SEPTIN7: variants seen among roughly 807,000 people sequenced by gnomAD.
SEPTIN7 encodes the protein septin-7.
A neutral mutation model predicts 63.3 loss-of-function variants in SEPTIN7; 10 were observed. The observed-to-expected ratio is 0.16, with a 90% CI of 0.10 to 0.27. The LOEUF is 0.27. Among genes scored for constraint, SEPTIN7 ranks in the 10% least tolerant of loss-of-function variants. SEPTIN7 has a pLI of 1.00. For missense variants in SEPTIN7, 310 were observed against 521.0 expected, an observed-to-expected ratio of 0.59 and a Z score of 3.94; for synonymous variants, 131 against 165.3, an observed-to-expected ratio of 0.79 and a Z score of 1.59.
intron 1 of SEPTIN7, among the ~76,000 whole-genome samples, chr7:35,814,692 C>G (rs1296016576): frequency 6.6e-6 from 1 of 152,012 alleles, no homozygotes. Flanking sequence ...AGCTGGGATT[C>G]TGACCGGGTG....
At position 35,905,651 on chromosome 7, in the gene SEPTIN7, C is replaced by A. The variant is rs1383615247; in HGVS notation, c.*1358C>A. On this transcript the variant is annotated 3_prime_UTR_variant, in exon 14 of 14. Transcript: ENST00000350320. Reference sequence around the variant, plus strand: ...CCTCCTGCCTCAGCCCCCTGAGTATCTGGGATTGCAGGCGTGCACCACCAC... The same window carrying A: ...CCTCCTGCCTCAGCCCCCTGAGTATATGGGATTGCAGGCGTGCACCACCAC... 1 of 152,196 alleles carries A rather than the reference C, an allele frequency of 6.6e-6. No individual in the cohort carries two copies. Among genetic ancestry groups the A allele is most frequent in the Admixed American group, 6.5e-5 (1 of 15,278 alleles). The allele number at this position is 152,196 out of a possible 1,614,324, so 9.4% of individuals were successfully genotyped here. A position where few individuals can be genotyped will look rare whatever the true frequency, so the allele number is the denominator to read the frequency against.
chr7:35,858,015 T>C lies in SEPTIN7; in HGVS notation c.170-5537T>C, dbSNP rs963258250. Among the ~76,000 whole-genome samples the C allele has an allele frequency of 2.0e-5, 3 of 152,120 alleles. No homozygotes were observed. In the South Asian group the frequency reaches 6.2e-4, roughly 31 times the overall value. On this transcript the variant is annotated intron_variant, in intron 3 of 13. Transcript: ENST00000350320. ...TGGAGTGCAGTGGTGTCATCTCAGC[T>C]CACTGCAGCCTCTTCCTCCTGGTTC...
At chr7:35,861,384 A>G (rs976481188) in intron 3 of SEPTIN7, among the ~76,000 whole-genome samples, 2 of 152,150 alleles carry the variant, frequency 1.3e-5, no homozygotes, top group African/African-American at 4.8e-5. Context: ...AAAACTGAGT[A>G]TTTGAAAGAG....
chr7:35,888,227 T>G (rs147578621), intron 10 of SEPTIN7, among the ~76,000 whole-genome samples: 2 of 152,280 alleles, frequency 1.3e-5, no homozygotes, highest in East Asian at 3.9e-4. Context: ...CAAATTATTT[T>G]GAGAATGGAG....
intron 1 of SEPTIN7, among the ~76,000 whole-genome samples, chr7:35,815,852 A>G (rs1293735414): frequency 1.3e-5 from 2 of 152,056 alleles, no homozygotes; most frequent in Non-Finnish European, 2.9e-5. Context: ...GAAAATTACT[A>G]TGGTGTTAAT....
At chr7:35,815,895 C>G (rs1414326626) in intron 1 of SEPTIN7, among the ~76,000 whole-genome samples, 1 of 151,970 alleles carries the variant, frequency 6.6e-6, no homozygotes, top group African/African-American at 2.4e-5. Flanking sequence ...TTCTTTTACC[C>G]TGTTCTCATT....
chr7:35,905,621 G>A lies in SEPTIN7; in HGVS notation c.*1328G>A, dbSNP rs537624714. On this transcript the variant is annotated 3_prime_UTR_variant, in exon 14 of 14. Transcript: ENST00000350320. ...TGCAGCCTCAACCCTCTGGGCTCAA[G>A]CAGTCCTCCTGCCTCAGCCCCCTGA... 3 of 152,292 alleles carry A rather than the reference G, an allele frequency of 2.0e-5. No individual in the cohort carries two copies. In the South Asian group the frequency reaches 6.2e-4, roughly 31 times the overall value. 9.4% of individuals were successfully genotyped at this position (152,292 alleles called of 1,614,324 possible). A position where few individuals can be genotyped will look rare whatever the true frequency, so the allele number is the denominator to read the frequency against.
At chr7:35,845,567 C>T (rs74735027) in intron 3 of SEPTIN7, among the ~76,000 whole-genome samples, 3,905 of 152,182 alleles carry the variant, frequency 0.026, 124 homozygotes, top group East Asian at 0.08. Flanking sequence ...TCTTTTCCTT[C>T]TTAAAACATG....
At chr7:35,904,043 G>A (rs1175057144) in intron 13 of SEPTIN7, among the ~76,000 whole-genome samples, 4 of 152,068 alleles carry the variant, frequency 2.6e-5, no homozygotes, top group Admixed American at 1.3e-4. Context: ...TTATCCTGGA[G>A]TTTTGTCAAA....
intron 1 of SEPTIN7, among the ~76,000 whole-genome samples, chr7:35,803,308 C>A (rs1415612633): frequency 6.6e-5 from 10 of 152,188 alleles, no homozygotes; most frequent in African/African-American, 2.4e-4. Context: ...CATGCCAGAA[C>A]TTCTGAACAA....
intron 3 of SEPTIN7, among the ~76,000 whole-genome samples, chr7:35,851,358 A>G (rs1241949199): frequency 6.6e-6 from 1 of 152,146 alleles, no homozygotes; most frequent in African/African-American, 2.4e-5. Context: ...CTGCAGTAAA[A>G]TGAGGGAATG....
intron 3 of SEPTIN7, among the ~76,000 whole-genome samples, chr7:35,841,242 T>A (rs1310758461): frequency 6.6e-6 from 1 of 151,618 alleles, no homozygotes; most frequent in Non-Finnish European, 1.5e-5. Flanking sequence ...AAAAAAAAAA[T>A]GTGGTTCTGT....
intron 1 of SEPTIN7, among the ~76,000 whole-genome samples, chr7:35,821,144 AGAGAGAT>A (rs1162550263): frequency 6.6e-6 from 1 of 152,186 alleles, no homozygotes; most frequent in African/African-American, 2.4e-5. Flanking sequence ...CTGTAGAGGT[AGAGAGAT>A]GACAATGGGC....
chr7:35,909,865 T>C (rs577922238), downstream of SEPTIN7, among the ~76,000 whole-genome samples: 1 of 152,356 alleles, frequency 6.6e-6, no homozygotes, highest in African/African-American at 2.4e-5. Flanking sequence ...AATAGTAACA[T>C]TCATTATCTT....
chr7:35,838,616 G>GCGATCCAT (rs1784254970), intron 3 of SEPTIN7: 1 of 151,672 alleles, frequency 6.6e-6, no homozygotes, highest in Non-Finnish European at 1.5e-5. Context: ...CTGGGCTCAA[G>GCGATCCAT]CGATCCATCC....
At position 35,873,730 on chromosome 7, in the gene SEPTIN7, A is replaced by G. The variant is rs751077685; in HGVS notation, c.467A>G (p.Asn156Ser). The change falls in exon 6 of 14, where the codon AAC (asparagine) becomes AGC (serine). Residue 156 changes from asparagine (N) to serine (S), a missense_variant. By Grantham distance (46) the Asn-to-Ser change is conservative. Around this residue, in one of 2 missense-constraint regions of SEPTIN7, gnomAD observed 255 missense variants for 490.5 expected, o/e 0.52. Transcript: ENST00000350320. ...SRVNRRQMPD[N>S]RVQCCLYFIA... ...GTGAACAGACGTCAGATGCCTGATA[A>G]CAGGGTGCAGTGTTGTTTATACTTC... 9.3e-6 allele frequency: 15 copies of G among 1,611,020 alleles called. No homozygotes were observed. Among genetic ancestry groups the G allele is most frequent in the Non-Finnish European group, 1.1e-5 (13 of 1,179,144 alleles).
At chr7:35,821,532 A>AT (rs1789410319) in intron 1 of SEPTIN7, among the ~76,000 whole-genome samples, 4 of 152,100 alleles carry the variant, frequency 2.6e-5, no homozygotes. Context: ...AATTGTTACA[A>AT]TTTTTTACTA....
chr7:35,878,820 C>T (rs1300253146), intron 6 of SEPTIN7, among the ~76,000 whole-genome samples: 1 of 152,004 alleles, frequency 6.6e-6, no homozygotes, highest in Non-Finnish European at 1.5e-5. Flanking sequence ...TTTAAGGAGC[C>T]CATGGAACAC....
At chr7:35,812,262 A>ATGGTGCTG (rs1416797101) in intron 1 of SEPTIN7, among the ~76,000 whole-genome samples, 16 of 151,926 alleles carry the variant, frequency 1.1e-4, no homozygotes, top group African/African-American at 3.9e-4. Flanking sequence ...GTGTTAGTGC[A>ATGGTGCTG]TGGTGCTGTG....
Sources: gnomAD v4.1 joint callset for allele counts (sites outside exome capture counted in the v4.1 genomes callset) on GRCh38, gnomAD v4.1.1 for gene constraint, gnomAD v4.1.1 regional missense constraint, MANE v1.5 for transcripts, NCBI Gene and HGNC (gene_info 2026-07-23, HGNC 2026-07-21) for gene names.